Variants in RPS6KC1 observed in about 807,000 individuals in gnomAD.
RPS6KC1 encodes the protein inactive ribosomal protein S6 kinase delta-1.
A neutral mutation model predicts 103.8 loss-of-function variants in RPS6KC1; 54 were observed. The ratio of observed to expected loss-of-function variants is 0.52; its 90% CI spans 0.42 to 0.65. The LOEUF is 0.65. Ranked by LOEUF, RPS6KC1 falls within the 30% of genes least tolerant of loss-of-function variation. RPS6KC1 has a pLI of 0.00. For missense variants in RPS6KC1, 1,151 were observed against 1,253.8 expected, an observed-to-expected ratio of 0.92 and a Z score of 1.24; for synonymous variants, 439 against 438.7, an observed-to-expected ratio of 1.00 and a Z score of -0.01.
chr1:213,110,916 T>C (rs1360939730), intron 4 of RPS6KC1, among the ~76,000 whole-genome samples: 1 of 152,092 alleles, frequency 6.6e-6, no homozygotes, highest in Non-Finnish European at 1.5e-5. Context: ...GCCCTGAGAT[T>C]GCTACTATTA....
the RPS6KC1 span, among the ~76,000 whole-genome samples, chr1:213,652,842 A>G: frequency 6.6e-6 from 1 of 152,216 alleles, no homozygotes; most frequent in Admixed American, 6.5e-5. Flanking sequence ...CAAAATCAGC[A>G]GGGAGACCAG....
chr1:213,107,559 G>T (rs948707361), intron 4 of RPS6KC1, among the ~76,000 whole-genome samples: 1 of 152,140 alleles, frequency 6.6e-6, no homozygotes, highest in African/African-American at 2.4e-5. Flanking sequence ...ATAAATTGAT[G>T]GACATGTTTG....
At chr1:213,533,491 T>G in the RPS6KC1 span, among the ~76,000 whole-genome samples, 1 of 152,192 alleles carries the variant, frequency 6.6e-6, no homozygotes, top group Non-Finnish European at 1.5e-5. Flanking sequence ...GGAACATGGA[T>G]AACTGTAACT....
the RPS6KC1 span, among the ~76,000 whole-genome samples, chr1:213,329,494 G>C: frequency 2.0e-5 from 3 of 152,188 alleles, no homozygotes; most frequent in East Asian, 5.8e-4. Context: ...TCTCATCTCT[G>C]CAGGAAGCCA....
chr1:213,658,047 C>A, the RPS6KC1 span, among the ~76,000 whole-genome samples: 3 of 152,274 alleles, frequency 2.0e-5, no homozygotes, highest in East Asian at 5.8e-4. Context: ...TGGATTGGGA[C>A]AATCAAATTC....
the RPS6KC1 span, among the ~76,000 whole-genome samples, chr1:213,703,630 T>G: frequency 6.6e-6 from 1 of 152,144 alleles, no homozygotes; most frequent in African/African-American, 2.4e-5. Context: ...AGGGTAAAAG[T>G]TTTTTCCTTC....
intron 8 of RPS6KC1, chr1:213,205,450 C>A: frequency 1.1e-6 from 1 of 883,506 alleles, no homozygotes; most frequent in Non-Finnish European, 1.4e-6. Context: ...CCCTCTTAAT[C>A]AAAGCTTTAA....
the RPS6KC1 span, among the ~76,000 whole-genome samples, chr1:213,313,163 C>A: frequency 6.6e-6 from 1 of 152,072 alleles, no homozygotes; most frequent in African/African-American, 2.4e-5. Flanking sequence ...CCAAAGCTCA[C>A]GAAAATGAAA....
chr1:213,476,195 G>A, the RPS6KC1 span, among the ~76,000 whole-genome samples: 1 of 152,176 alleles, frequency 6.6e-6, no homozygotes, highest in Non-Finnish European at 1.5e-5. Flanking sequence ...TTGGAGGATT[G>A]AAAAGACCGG....
In RPS6KC1 at chr1:213,166,269, G is replaced by C. The variant is rs7514418; in HGVS notation, c.836-1589G>C. ...TGGGGATTTAAATTAGGGCTTGGAA[G>C]GCATTATATAATCTGAAATGAGAAG... On this transcript the variant is annotated intron_variant, in intron 6 of 14. Transcript: ENST00000366960. 5.7e-3 allele frequency among the ~76,000 whole-genome samples: 870 copies of C among 152,102 alleles called. 9 individuals are homozygous for C. The highest frequency in any genetic ancestry group is 0.02 in the African/African-American group (830 of 41,514).
the RPS6KC1 span, among the ~76,000 whole-genome samples, chr1:213,493,569 C>G: frequency 5.3e-5 from 8 of 152,200 alleles, no homozygotes; most frequent in African/African-American, 1.7e-4. Context: ...ATGATAGGAA[C>G]GTACTTAATG....
At chr1:213,508,530 T>TTG in the RPS6KC1 span, among the ~76,000 whole-genome samples, 31 of 151,044 alleles carry the variant, frequency 2.1e-4, no homozygotes, top group Admixed American at 6.6e-4. Context: ...AGTAAGGGGT[T>TTG]TGTGTGTGTG....
the RPS6KC1 span, among the ~76,000 whole-genome samples, chr1:213,343,438 T>TAC: frequency 0.05 from 2,291 of 45,448 alleles, 415 homozygotes; most frequent in Non-Finnish European, 0.1. Flanking sequence ...TATATATATA[T>TAC]ATACATACCA....
chr1:213,634,136 T>G, the RPS6KC1 span, among the ~76,000 whole-genome samples: 1 of 152,180 alleles, frequency 6.6e-6, no homozygotes, highest in East Asian at 1.9e-4. Flanking sequence ...AGTGGGAGAC[T>G]TTAACACCCC....
rs987427958 is a variant in RPS6KC1, at chr1:213,241,939, T to C, written c.2463T>C (p.Ile821=). 6.2e-6 allele frequency: 10 copies of C among 1,613,902 alleles called. No individual in the cohort carries two copies. The African/African-American group carries it at 9.3e-5, about 15-fold the overall frequency. The change falls in exon 11 of 15, where the codon ATT becomes ATC. Residue 821 remains isoleucine (I), a synonymous_variant. Coordinates refer to ENST00000366960, the MANE Select transcript of RPS6KC1 (RefSeq NM_012424.6). ...ANNTEESLFR[I]CSPLSGANEY... ...ACACAGAAGAAAGCTTATTCCGTAT[T>C]TGTAGTCCACTCTCAGGTGCTAATG...
chr1:213,390,296 C>T, the RPS6KC1 span, among the ~76,000 whole-genome samples: 40 of 152,272 alleles, frequency 2.6e-4, no homozygotes, highest in Admixed American at 6.5e-4. Context: ...GGCTTGATTC[C>T]GTTTTCCAGA....
At chr1:213,848,642 A>C in the RPS6KC1 span, among the ~76,000 whole-genome samples, 1 of 152,166 alleles carries the variant, frequency 6.6e-6, no homozygotes, top group African/African-American at 2.4e-5. Flanking sequence ...TACACTGTAT[A>C]ATATTTCTAA....
chr1:213,811,281 A>G, the RPS6KC1 span, among the ~76,000 whole-genome samples: 1 of 152,198 alleles, frequency 6.6e-6, no homozygotes, highest in Non-Finnish European at 1.5e-5. Context: ...GACACTGCTA[A>G]AGATACAGAA....
chr1:213,736,094 G>A, the RPS6KC1 span, among the ~76,000 whole-genome samples: 1 of 152,208 alleles, frequency 6.6e-6, no homozygotes, highest in Non-Finnish European at 1.5e-5. Flanking sequence ...CCCTGGATGA[G>A]CTAACACAGG....
Sources: allele counts gnomAD v4.1 joint callset (sites outside exome capture counted in the v4.1 genomes callset), GRCh38; gene constraint gnomAD v4.1.1; transcripts MANE v1.5; gene names NCBI Gene and HGNC (gene_info 2026-07-23, HGNC 2026-07-21).